The following RGS9 variants were observed in gnomAD, a reference collection of about 807,000 sequenced individuals.
RGS9 encodes regulator of G protein signaling 9.
RGS9 carries 78 observed loss-of-function variants against 102.0 expected under a neutral mutation model. That is an observed-to-expected ratio of 0.76 (90% CI 0.64 to 0.92). The LOEUF is 0.92. Ranked by LOEUF, RGS9 falls within the 40% of genes least tolerant of loss-of-function variation. The probability of loss-of-function intolerance (pLI) is 0.00; values close to 1 mark genes in which losing one functional copy is unlikely to be tolerated. For synonymous variants in RGS9, 353 were observed against 318.6 expected (o/e 1.11, Z -1.15); for missense variants, 833 against 866.1 (o/e 0.96, Z 0.48).
At chr17:65,176,216 C>T (rs1431792691) in intron 8 of RGS9, among the ~76,000 whole-genome samples, 1 of 152,198 alleles carries the variant, frequency 6.6e-6, no homozygotes, top group Non-Finnish European at 1.5e-5. Context: ...GTAAGATTTT[C>T]TGGAGAGCTG....
intron 2 of RGS9, among the ~76,000 whole-genome samples, chr17:65,155,176 A>T (rs1910723564): frequency 6.6e-6 from 1 of 152,216 alleles, no homozygotes; most frequent in Non-Finnish European, 1.5e-5. Flanking sequence ...GAGTGGAAAC[A>T]GGGGGCAGAC....
rs114971554 is a variant in RGS9 at position 65,158,564 on chromosome 17, G to A, written c.205+219G>A. ...AAAATATTTAGAGCATAAATAACAG[G>A]GATAAGTGGGGAGGACTCAGTCAAG... is the stretch of plus-strand genomic sequence containing the variant. On this transcript the variant is annotated intron_variant, in intron 3 of 18. Coordinates refer to ENST00000262406, the MANE Select transcript of RGS9 (RefSeq NM_003835.4). The A allele has an allele frequency of 8.9e-3, 5,515 of 619,072 alleles. 215 individuals carry two copies. Among genetic ancestry groups the A allele is most frequent in the African/African-American group, 0.088 (4,833 of 54,982 alleles). 38.3% of individuals were successfully genotyped at this position (619,072 alleles called of 1,614,324 possible). A position where few individuals can be genotyped will look rare whatever the true frequency, so the allele number is the denominator to read the frequency against.
At chr17:65,155,500 G>C (rs903962971) in intron 2 of RGS9, among the ~76,000 whole-genome samples, 25 of 152,126 alleles carry the variant, frequency 1.6e-4, no homozygotes, top group African/African-American at 6.0e-4. Context: ...TGTAGCCCTG[G>C]TCTCAGTTTA....
intron 12 of RGS9, among the ~76,000 whole-genome samples, chr17:65,195,186 C>G (rs563561812): frequency 1.3e-5 from 2 of 152,250 alleles, no homozygotes; most frequent in African/African-American, 4.8e-5. Flanking sequence ...CGCTGGCTCT[C>G]CCTGGAGGAG....
intron 7 of RGS9, among the ~76,000 whole-genome samples, chr17:65,165,165 A>G (rs1911129761): frequency 6.6e-6 from 1 of 151,944 alleles, no homozygotes; most frequent in Non-Finnish European, 1.5e-5. Context: ...AACCCACAGG[A>G]CTATGAACCC....
At chr17:65,139,476 C>T (rs1239350878) in intron 1 of RGS9, among the ~76,000 whole-genome samples, 3 of 152,116 alleles carry the variant, frequency 2.0e-5, no homozygotes, top group Admixed American at 2.0e-4. Flanking sequence ...GCCTTCCACA[C>T]CTGCCCTCTG....
intron 2 of RGS9, among the ~76,000 whole-genome samples, chr17:65,154,521 G>GA (rs200975769): frequency 1.7e-3 from 259 of 151,054 alleles, no homozygotes; most frequent in Non-Finnish European, 2.4e-3. Flanking sequence ...CCAAGTAGCA[G>GA]AAAAAAAAAT....
At chr17:65,207,588 A>G (rs751739551) in intron 15 of RGS9, among the ~76,000 whole-genome samples, 11 of 152,228 alleles carry the variant, frequency 7.2e-5, no homozygotes, top group Non-Finnish European at 1.3e-4. Context: ...CATTTACAAC[A>G]TAGGCTGAAT....
intron 7 of RGS9, among the ~76,000 whole-genome samples, chr17:65,167,100 T>A (rs936889711): frequency 4.6e-5 from 7 of 152,206 alleles, no homozygotes; most frequent in African/African-American, 1.7e-4. Context: ...TCATTAGTGT[T>A]ACTTTGCCCC....
At chr17:65,186,184 T>G (rs898691471) in intron 9 of RGS9, among the ~76,000 whole-genome samples, 2 of 150,410 alleles carry the variant, frequency 1.3e-5, no homozygotes, top group African/African-American at 4.9e-5. Flanking sequence ...ATTTATTTAT[T>G]TATTTATTTA....
At chr17:65,164,803 T>C (rs1911116922) in intron 7 of RGS9, among the ~76,000 whole-genome samples, 1 of 152,222 alleles carries the variant, frequency 6.6e-6, no homozygotes, top group Non-Finnish European at 1.5e-5. Context: ...TTATCTTTAA[T>C]CACTTATATT....
chr17:65,194,824 G>A (rs1912522483), intron 12 of RGS9, among the ~76,000 whole-genome samples: 1 of 152,160 alleles, frequency 6.6e-6, no homozygotes, highest in Non-Finnish European at 1.5e-5. Flanking sequence ...TCACAGCTTG[G>A]GTCAACACTG....
chr17:65,195,245 G>A (rs549308164), intron 12 of RGS9, among the ~76,000 whole-genome samples: 1 of 152,338 alleles, frequency 6.6e-6, no homozygotes, highest in South Asian at 2.1e-4. Flanking sequence ...AGGGCTTGGG[G>A]AGGAGAGATG....
intron 13 of RGS9, among the ~76,000 whole-genome samples, chr17:65,199,917 T>A (rs751196557): frequency 1.4e-4 from 21 of 152,222 alleles, no homozygotes; most frequent in Non-Finnish European, 1.6e-4. Context: ...AACATTTGGG[T>A]TGCTTTGACT....
chr17:65,201,912 C>A, intron 13 of RGS9, 81 bp from the exon 14 acceptor site: 1 of 953,656 alleles, frequency 1.0e-6, no homozygotes. Context: ...TCCCGGTTGA[C>A]TCATTTCTTT....
rs544640448 is a variant in RGS9 at position 65,225,466 on chromosome 17, G to A, written c.1872G>A (p.Leu624=). The change falls in exon 18 of 19, where the codon TTG becomes TTA. Residue 624 remains leucine, a synonymous_variant. Coordinates refer to ENST00000262406, the MANE Select transcript of RGS9 (RefSeq NM_003835.4). ...ACGTGGGCCAGCAGCTGCCACGATT[G>A]AAATCCAAGAGAGTAGCAAAGTAAG... ...LGDVGQQLPR[L]KSKRVANFFQ... 110 of 1,603,824 alleles carry A rather than the reference G, an allele frequency of 6.9e-5. No individual in the cohort carries two copies. In the African/African-American group the frequency reaches 1.0e-3, roughly 15 times the overall value.
rs1322226195 is a variant in RGS9 at position 65,184,063 on chromosome 17, G to A, written c.655-5223G>A. On this transcript the variant is annotated intron_variant, in intron 9 of 18. Transcript: ENST00000262406. Reference sequence around the variant, plus strand: ...CGCTGAGATGAGGCATAAAGAAGTGGCTTCACTCCAGGAGGGCCGGCAGCT... The same window carrying A: ...CGCTGAGATGAGGCATAAAGAAGTGACTTCACTCCAGGAGGGCCGGCAGCT... 2.0e-5 allele frequency among the ~76,000 whole-genome samples: 3 copies of A among 152,190 alleles called. 1 individual carries two copies. The highest frequency in any genetic ancestry group is 4.1e-4 in the South Asian group (2 of 4,828).
At chr17:65,154,521 GA>G (rs200975769) in intron 2 of RGS9, among the ~76,000 whole-genome samples, 3 of 150,940 alleles carry the variant, frequency 2.0e-5, no homozygotes, top group Non-Finnish European at 3.0e-5. Flanking sequence ...CCAAGTAGCA[GA>G]AAAAAAAATA....
At chr17:65,181,174 T>C (rs1432221345) in intron 9 of RGS9, among the ~76,000 whole-genome samples, 1 of 152,246 alleles carries the variant, frequency 6.6e-6, no homozygotes. Context: ...AGTAATGCGA[T>C]TGCTGGGTCA....
Sources: gnomAD v4.1 joint callset for allele counts (sites outside exome capture counted in the v4.1 genomes callset) on GRCh38, gnomAD v4.1.1 for gene constraint, MANE v1.5 for transcripts, NCBI Gene and HGNC (gene_info 2026-07-23, HGNC 2026-07-21) for gene names.